Variants in DNAJB6 observed in about 807,000 individuals in gnomAD.
The protein encoded by DNAJB6 is dnaJ homolog subfamily B member 6.
In DNAJB6, 16 loss-of-function variants were observed where a neutral mutation model predicts 42.7. The observed-to-expected ratio is 0.37, with a 90% CI of 0.25 to 0.57. DNAJB6 has a LOEUF of 0.57. Ranked by LOEUF, DNAJB6 falls within the 20% of genes least tolerant of loss-of-function variation. The pLI is 0.74. For synonymous variants in DNAJB6, 170 were observed against 163.5 expected, an observed-to-expected ratio of 1.04 and a Z score of -0.30; for missense variants, 347 against 416.8, an observed-to-expected ratio of 0.83 and a Z score of 1.46.
chr7:157,386,874 C>T (rs1418058684), intron 8 of DNAJB6, among the ~76,000 whole-genome samples: 61 of 144,384 alleles, frequency 4.2e-4, no homozygotes, highest in Admixed American at 4.1e-3. Flanking sequence ...ACAGAGCAAG[C>T]CTTCATCTCA....
At chr7:157,389,896 C>G (rs1584932566) in intron 8 of DNAJB6, among the ~76,000 whole-genome samples, 1 of 152,202 alleles carries the variant, frequency 6.6e-6, no homozygotes, top group East Asian at 1.9e-4. Context: ...TCACTAAGGA[C>G]TCGACTCTGA....
chr7:157,399,570 G>A (rs926615264), intron 8 of DNAJB6, among the ~76,000 whole-genome samples: 2 of 152,238 alleles, frequency 1.3e-5, no homozygotes, highest in Non-Finnish European at 2.9e-5. Context: ...CCTGGGTGTG[G>A]AGTGGGCCGT....
intron 1 of DNAJB6, among the ~76,000 whole-genome samples, chr7:157,352,286 G>A (rs939098937): frequency 6.6e-5 from 10 of 151,904 alleles, no homozygotes; most frequent in African/African-American, 2.4e-4. Flanking sequence ...CCAAAATTGT[G>A]CTACTCTACT....
intron 3 of DNAJB6, among the ~76,000 whole-genome samples, chr7:157,365,475 T>C (rs1041485942): frequency 1.3e-5 from 2 of 152,218 alleles, no homozygotes; most frequent in Non-Finnish European, 2.9e-5. Flanking sequence ...CACATCTGCT[T>C]TCTCCCACTT....
chr7:157,398,987 A>G (rs1277481884), intron 8 of DNAJB6, among the ~76,000 whole-genome samples: 5 of 152,268 alleles, frequency 3.3e-5, no homozygotes, highest in South Asian at 2.1e-4. Flanking sequence ...AAGGCTATAT[A>G]GAAAGATTTT....
At chr7:157,358,718 A>T in intron 2 of DNAJB6, 81 bp downstream of exon 2, 1 of 1,154,124 alleles carries the variant, frequency 8.7e-7, no homozygotes, top group South Asian at 1.3e-5. Flanking sequence ...TCTATTGCCT[A>T]TGAAAATGGC....
At chr7:157,350,058 G>C (rs544108863) in intron 1 of DNAJB6, among the ~76,000 whole-genome samples, 1 of 152,312 alleles carries the variant, frequency 6.6e-6, no homozygotes, top group Non-Finnish European at 1.5e-5. Flanking sequence ...AGAACACTGG[G>C]ATTACAGGCA....
At chr7:157,349,333 T>C (rs1798852908) in intron 1 of DNAJB6, among the ~76,000 whole-genome samples, 1 of 152,212 alleles carries the variant, frequency 6.6e-6, no homozygotes, top group African/African-American at 2.4e-5. Context: ...AAGGCTTTGA[T>C]TGGTTGACTA....
Position 157,373,384 on chromosome 7 carries a change from T to C in DNAJB6, c.346+5901T>C, listed in dbSNP as rs149298724. The stretch of plus-strand genomic sequence containing the variant: ...CCCTCGCTCTGAGACAGAGTTTTGC[T>C]CTGTCACCCAGGCTGGAGTGCAGTG... On this transcript the variant is annotated intron_variant, in intron 5 of 9. Coordinates refer to ENST00000262177, the MANE Select transcript of DNAJB6 (RefSeq NM_058246.4). Among the ~76,000 whole-genome samples the C allele has an allele frequency of 4.7e-3, 712 of 152,250 alleles. 5 individuals carry two copies. Among genetic ancestry groups the C allele is most frequent in the African/African-American group, 0.016 (674 of 41,552 alleles).
At chr7:157,379,327 G>A (rs1402144223) in intron 5 of DNAJB6, 1 of 152,224 alleles carries the variant, frequency 6.6e-6, no homozygotes, top group Non-Finnish European at 1.5e-5. Context: ...TGGATTTAAA[G>A]AAATTGTGAC....
At chr7:157,389,246 G>A (rs1236461647) in intron 8 of DNAJB6, among the ~76,000 whole-genome samples, 1 of 152,036 alleles carries the variant, frequency 6.6e-6, no homozygotes, top group Non-Finnish European at 1.5e-5. Flanking sequence ...TTTCTTTCCG[G>A]GAATACTGAT....
At chr7:157,369,733 A>G (rs199594843) in intron 5 of DNAJB6, among the ~76,000 whole-genome samples, 214 of 131,900 alleles carry the variant, frequency 1.6e-3, no homozygotes, top group African/African-American at 4.8e-3. Flanking sequence ...TCTTCACATT[A>G]TTATTAAACA....
At position 157,369,027 on chromosome 7, in the gene DNAJB6, G is replaced by GGGCT. The variant is rs1170183999; in HGVS notation, c.346+1553_346+1556dup. On this transcript the variant is annotated intron_variant, in intron 5 of 9. Coordinates refer to ENST00000262177, the MANE Select transcript of DNAJB6 (RefSeq NM_058246.4). ...AGAGGTTGTTCTTACACCTTATTAT[G>GGGCT]GGCTGGCTGGCTTGAAGAGAGCCCC... 4.7e-5 allele frequency: 17 copies of GGGCT among 359,224 alleles called. No homozygotes were observed. The Admixed American group carries it at 5.7e-4, about 12-fold the overall frequency. The allele number at this position is 359,224 out of a possible 1,614,324, so 22.3% of individuals were successfully genotyped here. A position where few individuals can be genotyped will look rare whatever the true frequency, so the allele number is the denominator to read the frequency against.
At chr7:157,377,909 C>G (rs1800551394) in intron 5 of DNAJB6, among the ~76,000 whole-genome samples, 1 of 152,186 alleles carries the variant, frequency 6.6e-6, no homozygotes, top group Non-Finnish European at 1.5e-5. Context: ...TCCACTATCC[C>G]ACAGACAACC....
intron 5 of DNAJB6, among the ~76,000 whole-genome samples, chr7:157,376,884 A>G (rs1800502873): frequency 6.6e-6 from 1 of 152,124 alleles, no homozygotes; most frequent in South Asian, 2.1e-4. Context: ...CGTCTTGGGA[A>G]AACAAACAAA....
At chr7:157,338,408 A>G (rs1343940044) in intron 1 of DNAJB6, among the ~76,000 whole-genome samples, 1 of 150,448 alleles carries the variant, frequency 6.6e-6, no homozygotes, top group Non-Finnish European at 1.5e-5. Flanking sequence ...ATCTCCACTC[A>G]CTGCAACTTC....
chr7:157,385,154 T>C lies in DNAJB6; in HGVS notation c.620+146T>C. On this transcript the variant is annotated intron_variant, in intron 7 of 9. Coordinates refer to ENST00000262177, the MANE Select transcript of DNAJB6 (RefSeq NM_058246.4). ...AAAATCTTTTGCTCTCCAAATTCAT[T>C]AATTAAAGCCTTTTCTCTTAAATTT... The C allele has an allele frequency of 3.6e-6, 3 of 825,152 alleles. No homozygotes were observed. In the South Asian group the frequency reaches 6.0e-5, roughly 17 times the overall value. 51.1% of individuals were successfully genotyped at this position (825,152 alleles called of 1,614,324 possible). A position where few individuals can be genotyped will look rare whatever the true frequency, so the allele number is the denominator to read the frequency against.
chr7:157,348,051 C>G (rs972193420), intron 1 of DNAJB6, among the ~76,000 whole-genome samples: 1 of 151,862 alleles, frequency 6.6e-6, no homozygotes, highest in Admixed American at 6.6e-5. Flanking sequence ...CTACCTCAGC[C>G]TCCCAAAGTG....
chr7:157,366,997 T>C (rs761476217), intron 4 of DNAJB6, among the ~76,000 whole-genome samples: 2 of 152,216 alleles, frequency 1.3e-5, no homozygotes, highest in Non-Finnish European at 2.9e-5. Context: ...CCAAACCCAC[T>C]GGGGCCACGC....
Sources: gnomAD v4.1 joint callset for allele counts (sites outside exome capture counted in the v4.1 genomes callset) on GRCh38, gnomAD v4.1.1 for gene constraint, MANE v1.5 for transcripts, NCBI Gene and HGNC (gene_info 2026-07-23, HGNC 2026-07-21) for gene names.